The following SVEP1 variants were observed in gnomAD, a reference collection of about 807,000 sequenced individuals.
SVEP1 encodes the protein sushi, von Willebrand factor type A, EGF and pentraxin domain-containing protein 1.
In SVEP1, 164 loss-of-function variants were observed where a neutral mutation model predicts 367.3. That is an observed-to-expected ratio of 0.45 (90% CI 0.39 to 0.51). The LOEUF is 0.51. Among genes scored for constraint, SVEP1 ranks in the 20% least tolerant of loss-of-function variants. SVEP1 has a pLI of 0.00. For synonymous variants in SVEP1, 1,666 were observed against 1,611.6 expected (o/e 1.03, Z -0.81); for missense variants, 4,117 against 4,425.3 (o/e 0.93, Z 1.98).
At chr9:110,576,633 G>T (rs1168659420) in intron 1 of SVEP1, among the ~76,000 whole-genome samples, 6 of 151,650 alleles carry the variant, frequency 4.0e-5, no homozygotes, top group African/African-American at 1.5e-4. Context: ...AATATAGAAG[G>T]CATATTTTTA....
intron 4 of SVEP1, 41 bp from the exon 5 acceptor site, chr9:110,513,146 T>C: frequency 6.4e-7 from 1 of 1,564,384 alleles, no homozygotes; most frequent in Non-Finnish European, 8.7e-7. Flanking sequence ...AAAGTTAGCC[T>C]TTTGTCTATG....
In SVEP1 at chr9:110,579,032, C is replaced by T. The variant is rs2118898985; in HGVS notation, c.512G>A (p.Gly171Asp). ...CCTTACCGCGGCTTGCTGGAAGGCGCCCTTGGTGTAGGTGCCGCCACCTCG... is the reference window on the plus strand; with the variant it reads ...CCTTACCGCGGCTTGCTGGAAGGCGTCCTTGGTGTAGGTGCCGCCACCTCG... ...SYRGGGTYTK[G>D]AFQQAAQILL... The change falls in exon 1 of 48, where the codon GGC (glycine) becomes GAC (aspartate). Residue 171 changes from glycine (G) to aspartate (D), a missense_variant. This residue lies in a region of SVEP1 where 2,174 missense variants were observed against 2,494.3 expected (regional missense o/e 0.87). Coordinates refer to ENST00000374469, the MANE Select transcript of SVEP1 (RefSeq NM_153366.4). This position sits in a 1 kb window ranked among gnomAD's most constrained non-coding sequence, Gnocchi z 5.3. 4 of 1,547,568 alleles carry T rather than the reference C, an allele frequency of 2.6e-6. No homozygotes were observed. The highest frequency in any genetic ancestry group is 2.6e-6 in the Non-Finnish European group (3 of 1,146,642).
At chr9:110,428,399 A>AACACACACAC (rs113743775) in intron 35 of SVEP1, among the ~76,000 whole-genome samples, 4,577 of 120,178 alleles carry the variant, frequency 0.038, 101 homozygotes, top group Non-Finnish European at 0.049. Flanking sequence ...CCTCTGTTTA[A>AACACACACAC]ACACACACAC....
intron 37 of SVEP1, 24 bp downstream of exon 37, chr9:110,411,039 A>G: frequency 5.2e-6 from 8 of 1,528,034 alleles, no homozygotes; most frequent in Non-Finnish European, 7.0e-6. Flanking sequence ...AAAGCCACAG[A>G]CCATTTGCTA....
At chr9:110,566,868 G>A (rs1244925444) in intron 1 of SVEP1, among the ~76,000 whole-genome samples, 1 of 152,182 alleles carries the variant, frequency 6.6e-6, no homozygotes, top group Non-Finnish European at 1.5e-5. Flanking sequence ...CAGAGGTGCT[G>A]TAAAGTTTAC....
chr9:110,556,596 G>A (rs1286544952), intron 1 of SVEP1, among the ~76,000 whole-genome samples: 1 of 152,140 alleles, frequency 6.6e-6, no homozygotes, highest in African/African-American at 2.4e-5. Flanking sequence ...ATGGGTTCAA[G>A]CAATTCTCCT....
chr9:110,459,216 A>T, intron 18 of SVEP1, 103 bp from the exon 19 acceptor site: 1 of 1,084,672 alleles, frequency 9.2e-7, no homozygotes, highest in Non-Finnish European at 1.3e-6. Flanking sequence ...TGAATTATCT[A>T]TATAATCTCT....
Position 110,457,920 on chromosome 9 carries a change from G to A in SVEP1, c.3576+551C>T, listed in dbSNP as rs72746767. Among the ~76,000 whole-genome samples the A allele has an allele frequency of 7.6e-3, 1,157 of 152,264 alleles. 11 individuals carry two copies. Among genetic ancestry groups the A allele is most frequent in the Non-Finnish European group, 9.1e-3 (616 of 68,010 alleles). The stretch of plus-strand genomic sequence containing the variant: ...CAAGGAATTCATGACATTGGACAAG[G>A]TGAGTTCAGAGTAATGACTGAATCT... On this transcript the variant is annotated intron_variant, in intron 20 of 47. Coordinates refer to ENST00000374469, the MANE Select transcript of SVEP1 (RefSeq NM_153366.4).
rs1827198566 is a variant in SVEP1 at position 110,366,361 on chromosome 9, G to A, written c.*178C>T. The A allele has an allele frequency of 4.2e-6, 2 of 475,036 alleles. No individual in the cohort carries two copies. The highest frequency in any genetic ancestry group is 6.7e-5 in the East Asian group (2 of 29,998). 29.4% of individuals were successfully genotyped at this position (475,036 alleles called of 1,614,324 possible). ...TTTAAAAATGGAAACATGTAAGAAAGTATGTCACAAGGAATAACAAAATAT... is the reference window on the plus strand; with the variant it reads ...TTTAAAAATGGAAACATGTAAGAAAATATGTCACAAGGAATAACAAAATAT... On this transcript the variant is annotated 3_prime_UTR_variant, in exon 48 of 48. Coordinates refer to ENST00000374469, the MANE Select transcript of SVEP1 (RefSeq NM_153366.4).
chr9:110,538,802 C>T (rs967651937), intron 3 of SVEP1, among the ~76,000 whole-genome samples: 12 of 152,104 alleles, frequency 7.9e-5, no homozygotes, highest in Middle Eastern at 3.4e-3. Context: ...CAAATCCCTC[C>T]GGGGAAATTC....
chr9:110,478,195 G>C (rs958679172), intron 13 of SVEP1, among the ~76,000 whole-genome samples: 1 of 152,098 alleles, frequency 6.6e-6, no homozygotes, highest in Non-Finnish European at 1.5e-5. Flanking sequence ...CATTCTTTCA[G>C]GTCTCCTCTC....
intron 3 of SVEP1, among the ~76,000 whole-genome samples, chr9:110,536,462 C>T (rs1427309997): frequency 2.0e-5 from 3 of 151,960 alleles, no homozygotes; most frequent in Non-Finnish European, 4.4e-5. Flanking sequence ...TTTAAAAGAA[C>T]CAATTTCCAG....
At chr9:110,549,507 A>G (rs1427884315) in intron 2 of SVEP1, among the ~76,000 whole-genome samples, 1 of 152,196 alleles carries the variant, frequency 6.6e-6, no homozygotes, top group East Asian at 1.9e-4. Context: ...TCCTCTGTCC[A>G]GATAACTGTA....
intron 1 of SVEP1, among the ~76,000 whole-genome samples, chr9:110,562,838 T>C (rs1364811743): frequency 6.6e-6 from 1 of 152,044 alleles, no homozygotes; most frequent in African/African-American, 2.4e-5. Flanking sequence ...TACAGGTGCC[T>C]GCCACCGCAC....
intron 3 of SVEP1, among the ~76,000 whole-genome samples, chr9:110,521,383 C>T (rs145070780): frequency 1.3e-3 from 195 of 152,274 alleles, no homozygotes; most frequent in African/African-American, 4.5e-3. Flanking sequence ...TGATGTGGTG[C>T]CATGGCAGGA....
rs1827979522 is a variant in SVEP1, at chr9:110,407,850, G to A, written c.7750C>T (p.Pro2584Ser). 2 of 1,613,858 alleles carry A rather than the reference G, an allele frequency of 1.2e-6. No homozygotes were observed. Among genetic ancestry groups the A allele is most frequent in the Admixed American group, 1.7e-5 (1 of 59,990 alleles). Residue 2584 changes from proline to serine, a missense_variant, in exon 38 of 48, where the codon CCT (proline) becomes TCT (serine). By Grantham distance (74) the Pro-to-Ser change is moderately conservative. Around this residue, in one of 4 missense-constraint regions of SVEP1, gnomAD observed 1,765 missense variants for 1,781.1 expected, o/e 0.99. Transcript: ENST00000374469. ...YGAIIIYSCFPGFQVAGHAMQ... is the reference protein window; with the variant it reads ...YGAIIIYSCFSGFQVAGHAMQ... ...GCATGACCAGCCACCTGAAACCCAGGGAAGCAACTGTAGATGATTATGGCA... is the reference window on the plus strand; with the variant it reads ...GCATGACCAGCCACCTGAAACCCAGAGAAGCAACTGTAGATGATTATGGCA...
intron 37 of SVEP1, among the ~76,000 whole-genome samples, chr9:110,410,666 C>T (rs1180283967): frequency 6.6e-6 from 1 of 152,154 alleles, no homozygotes; most frequent in Non-Finnish European, 1.5e-5. Flanking sequence ...TCATAATCAT[C>T]TTCATTAATT....
At chr9:110,543,491 G>A (rs1830179047) in intron 3 of SVEP1, among the ~76,000 whole-genome samples, 2 of 152,154 alleles carry the variant, frequency 1.3e-5, no homozygotes, top group African/African-American at 4.8e-5. Context: ...ACAGACTGCT[G>A]CGCCTTTCAT....
At chr9:110,516,529 A>T (rs1170331025) in intron 3 of SVEP1, among the ~76,000 whole-genome samples, 5 of 151,154 alleles carry the variant, frequency 3.3e-5, no homozygotes, top group Non-Finnish European at 5.9e-5. Context: ...AATTATTTAT[A>T]TTACTGAATA....
Sources: gnomAD v4.1 joint callset for allele counts (sites outside exome capture counted in the v4.1 genomes callset) on GRCh38, gnomAD v4.1.1 for gene constraint, gnomAD v4.1.1 regional missense constraint, Gnocchi (gnomAD v3.1) non-coding constraint, MANE v1.5 for transcripts, NCBI Gene and HGNC (gene_info 2026-07-23, HGNC 2026-07-21) for gene names.